The following NBPF8 variants were observed in gnomAD, a reference collection of about 807,000 sequenced individuals.
NBPF8 encodes the protein NBPF family member NBPF8.
At chr1:120,427,314 T>C (rs1440391540) in intron 2 of NBPF8, among the ~76,000 whole-genome samples, 1 of 151,880 alleles carries the variant, frequency 6.6e-6, no homozygotes, top group Non-Finnish European at 1.5e-5. Context: ...GAATAGATAG[T>C]TGTTTAGTTC....
At chr1:120,416,605 CAAAAAAAAAAAAA>C (rs1160932917), upstream of NBPF8, among the ~76,000 whole-genome samples, 2 of 24,234 alleles carry the variant, frequency 8.3e-5, no homozygotes, top group African/African-American at 6.9e-4. Flanking sequence ...ACCCTGTCTC[CAAAAAAAAAAAAA>C]AAAAAAAAAA....
Position 120,429,543 on chromosome 1 carries a change from G to A in NBPF8, n.510+1696G>A, listed in dbSNP as rs1426940253. 5.9e-5 allele frequency among the ~76,000 whole-genome samples: 9 copies of A among 152,316 alleles called. No homozygotes were observed. The East Asian group carries it at 1.2e-3, about 20-fold the overall frequency. On this transcript the variant is annotated intron_variant and non_coding_transcript_variant, in intron 3 of 28. Coordinates refer to the NBPF8 transcript ENST00000652355. ...GACTTGGCTGTCTAGAGACATGGCG[G>A]GAGGGATTTCCTTGAGAGGCAGGGA...
exon 25 of NBPF8, chr1:120,466,533 G>A (rs2101705382): frequency 5.8e-6 from 2 of 343,448 alleles, no homozygotes; most frequent in South Asian, 5.2e-5. Flanking sequence ...TTGCAGGCAT[G>A]TCTCTGAGCT....
chr1:120,454,221 G>C, intron 15 of NBPF8, 107 bp downstream of exon 13: 3 of 1,506,842 alleles, frequency 2.0e-6, no homozygotes, highest in Non-Finnish European at 2.7e-6. Context: ...AAACTGTGAT[G>C]GGTTTCTAAA....
intron 1 of NBPF8, among the ~76,000 whole-genome samples, chr1:120,424,467 G>A (rs1367267840): frequency 6.6e-6 from 1 of 152,038 alleles, no homozygotes; most frequent in African/African-American, 2.4e-5. Context: ...TTTTTTTGGA[G>A]ATGGAGTTAT....
At chr1:120,469,054 T>A (rs1661834907), downstream of NBPF8, among the ~76,000 whole-genome samples, 2 of 149,836 alleles carry the variant, frequency 1.3e-5, no homozygotes, top group Admixed American at 1.3e-4. Flanking sequence ...CTCCCTCCTA[T>A]CCTCCTACTT....
chr1:120,429,099 C>T (rs1660798952), intron 3 of NBPF8, among the ~76,000 whole-genome samples: 1 of 152,252 alleles, frequency 6.6e-6, no homozygotes, highest in Non-Finnish European at 1.5e-5. Flanking sequence ...ATCCCTGGCT[C>T]CCCTGTGTGC....
At chr1:120,424,509 G>A (rs61807936) in intron 1 of NBPF8, among the ~76,000 whole-genome samples, 64,852 of 151,794 alleles carry the variant, frequency 0.43, 14,696 homozygotes, top group African/African-American at 0.54. Context: ...ATGCAACGGC[G>A]CCATCTCAGC....
chr1:120,461,112 A>T (rs1443229885), intron 18 of NBPF8, 142 bp from the exon 17 acceptor site: 1 of 639,146 alleles, frequency 1.6e-6, no homozygotes, highest in Non-Finnish European at 2.8e-6. Flanking sequence ...ATCCCAACAT[A>T]AAGGCAATAA....
intron 3 of NBPF8, among the ~76,000 whole-genome samples, chr1:120,428,328 T>A (rs1660779223): frequency 1.3e-5 from 2 of 152,216 alleles, no homozygotes; most frequent in Non-Finnish European, 1.5e-5. Flanking sequence ...TTAGGATACA[T>A]GCTTGCAAAA....
chr1:120,420,827 T>A (rs1422716100), intron 1 of NBPF8, among the ~76,000 whole-genome samples: 1 of 148,796 alleles, frequency 6.7e-6, no homozygotes, highest in Non-Finnish European at 1.5e-5. Flanking sequence ...AGAGACCCCA[T>A]AACGAGTAAA....
At chr1:120,434,344 G>A (rs1381760169), upstream of NBPF8, among the ~76,000 whole-genome samples, 2 of 146,490 alleles carry the variant, frequency 1.4e-5, no homozygotes, top group Non-Finnish European at 3.0e-5. Flanking sequence ...ATATTCATGT[G>A]TGTGTATATA....
intron 11 of NBPF8, among the ~76,000 whole-genome samples, chr1:120,450,839 G>T (rs1220883012): frequency 6.6e-6 from 1 of 151,842 alleles, no homozygotes; most frequent in African/African-American, 2.4e-5. Flanking sequence ...ATGCCCCAGT[G>T]CAGTGTTTTA....
intron 24 of NBPF8, 41 bp from the exon 23 acceptor site, chr1:120,465,937 A>T (rs1259950340): frequency 3.5e-5 from 57 of 1,611,402 alleles, no homozygotes; most frequent in Admixed American, 2.3e-4. Context: ...GTGGTGTCTG[A>T]TTTTCCCTGG....
intron 11 of NBPF8, among the ~76,000 whole-genome samples, chr1:120,450,093 G>A (rs1445756669): frequency 6.6e-6 from 1 of 152,040 alleles, no homozygotes. Flanking sequence ...TGGGCGTGGT[G>A]GCAGGTGACT....
upstream of NBPF8, chr1:120,433,164 G>A (rs1381020322): frequency 6.6e-6 from 1 of 152,162 alleles, no homozygotes; most frequent in African/African-American, 2.4e-5. Context: ...AATATTTCTA[G>A]TAGGAGATTT....
chr1:120,463,098 G>T (rs1661637765), intron 21 of NBPF8, 132 bp downstream of exon 19: 4 of 698,630 alleles, frequency 5.7e-6, no homozygotes, highest in Non-Finnish European at 7.8e-6. Context: ...GCGCATATAG[G>T]TTGTAATGAG....
At position 120,464,163 on chromosome 1, in the gene NBPF8, G is replaced by C. The variant is rs1156326181; in HGVS notation, n.3287-213G>C. Among the ~76,000 whole-genome samples the C allele has an allele frequency of 2.9e-3, 314 of 108,202 alleles. 4 individuals carry two copies. The highest frequency in any genetic ancestry group is 0.026 in the East Asian group (89 of 3,414). 71.0% of individuals were successfully genotyped at this position (108,202 alleles called of 152,430 possible). ...TGTGTGTGTGTGTGTGTGTGTGTGT[G>C]TGTGTGTGTGTGTGTCTGTCTGTCT... On this transcript the variant is annotated intron_variant and non_coding_transcript_variant, in intron 22 of 24. Transcript: ENST00000583271.
chr1:120,420,657 A>G (rs2101445814), intron 1 of NBPF8, among the ~76,000 whole-genome samples: 1 of 145,900 alleles, frequency 6.9e-6, no homozygotes, highest in East Asian at 2.0e-4. Flanking sequence ...AAGAGAGGCC[A>G]CTTTTGAAGG....
Sources: allele counts gnomAD v4.1 joint callset (sites outside exome capture counted in the v4.1 genomes callset), GRCh38; gene constraint gnomAD v4.1.1; transcripts MANE v1.5; gene names NCBI Gene and HGNC (gene_info 2026-07-23, HGNC 2026-07-21).